The following PAPSS2 variants were observed in gnomAD, a reference collection of about 807,000 sequenced individuals.
PAPSS2 encodes the protein bifunctional 3'-phosphoadenosine 5'-phosphosulfate synthase 2.
A neutral mutation model predicts 66.5 loss-of-function variants in PAPSS2; 61 were observed. That is an observed-to-expected ratio of 0.92 (90% CI 0.75 to 1.14). The LOEUF (loss-of-function observed/expected upper bound fraction) is 1.14, where lower values mean the gene tolerates loss of function less well. PAPSS2 is among the 50% of genes most tolerant of loss of function. The pLI, the probability that PAPSS2 is intolerant of heterozygous loss-of-function variation, is 0.00. For missense variants in PAPSS2, 708 were observed against 789.6 expected (o/e 0.90, Z 1.24); for synonymous variants, 289 against 287.5 (o/e 1.01, Z -0.05).
intron 9 of PAPSS2, among the ~76,000 whole-genome samples, chr10:87,735,606 C>A (rs776283959): frequency 2.0e-5 from 3 of 152,112 alleles, no homozygotes; most frequent in Non-Finnish European, 4.4e-5. Context: ...AAAACACAAC[C>A]GAAAACCTTG....
At chr10:87,682,579 A>T (rs1315735897) in intron 1 of PAPSS2, among the ~76,000 whole-genome samples, 2 of 152,314 alleles carry the variant, frequency 1.3e-5, no homozygotes, top group East Asian at 3.9e-4. Flanking sequence ...AAAGTTATGA[A>T]GCATGGCATC....
At chr10:87,673,689 CTTTTTT>C (rs34935261) in intron 1 of PAPSS2, among the ~76,000 whole-genome samples, 1,687 of 67,396 alleles carry the variant, frequency 0.025, 34 homozygotes, top group African/African-American at 0.084. Flanking sequence ...TTTTGGCTTA[CTTTTTT>C]TTTTTTTTTT....
At chr10:87,734,189 C>T (rs1853764206) in intron 9 of PAPSS2, among the ~76,000 whole-genome samples, 1 of 152,162 alleles carries the variant, frequency 6.6e-6, no homozygotes, top group South Asian at 2.1e-4. Flanking sequence ...CTCCCTCGTC[C>T]AGTCCTTCCA....
At chr10:87,684,167 T>C (rs527400322) in intron 1 of PAPSS2, among the ~76,000 whole-genome samples, 8 of 152,344 alleles carry the variant, frequency 5.3e-5, no homozygotes, top group South Asian at 2.1e-4. Context: ...CCAATGAAGA[T>C]TGAAGCCAGC....
intron 1 of PAPSS2, among the ~76,000 whole-genome samples, chr10:87,674,932 A>G (rs1383812508): frequency 6.6e-6 from 1 of 152,206 alleles, no homozygotes; most frequent in African/African-American, 2.4e-5. Context: ...ACCTCCATGC[A>G]TGGGTGTGCC....
intron 8 of PAPSS2, among the ~76,000 whole-genome samples, chr10:87,725,449 C>T (rs889383545): frequency 2.6e-5 from 4 of 152,206 alleles, no homozygotes; most frequent in Admixed American, 2.6e-4. Context: ...GGAGCTCACA[C>T]TCCAGAGAAA....
At chr10:87,716,572 C>T (rs371369213) in intron 7 of PAPSS2, among the ~76,000 whole-genome samples, 5 of 152,238 alleles carry the variant, frequency 3.3e-5, no homozygotes, top group African/African-American at 9.6e-5. Flanking sequence ...GGTAGAGTCA[C>T]GCTGAATTTG....
At chr10:87,683,415 G>C (rs1853049142) in intron 1 of PAPSS2, among the ~76,000 whole-genome samples, 1 of 152,156 alleles carries the variant, frequency 6.6e-6, no homozygotes, top group African/African-American at 2.4e-5. Context: ...CTGGCCCACA[G>C]CTATTTCTTG....
At chr10:87,680,408 A>C (rs1447867512) in intron 1 of PAPSS2, among the ~76,000 whole-genome samples, 1 of 152,166 alleles carries the variant, frequency 6.6e-6, no homozygotes, top group Non-Finnish European at 1.5e-5. Context: ...AAAGTTCCCC[A>C]GGAACAAGCT....
At chr10:87,724,517 T>A (rs1853633660) in intron 8 of PAPSS2, among the ~76,000 whole-genome samples, 1 of 151,440 alleles carries the variant, frequency 6.6e-6, no homozygotes, top group Admixed American at 6.6e-5. Flanking sequence ...AGGATGCATA[T>A]CTGTGTGTCT....
Position 87,709,185 on chromosome 10 carries a change from T to C in PAPSS2, c.28-11T>C. On this transcript the variant is annotated splice_polypyrimidine_tract_variant and intron_variant, in intron 1 of 12. Transcript: ENST00000456849. ...AATTAATACTGTGCTTGGTTTTGTCTTATTTTATAGGAGAACCAGCAGAAA... is the reference window on the plus strand; with the variant it reads ...AATTAATACTGTGCTTGGTTTTGTCCTATTTTATAGGAGAACCAGCAGAAA... 1.3e-6 allele frequency: 2 copies of C among 1,575,224 alleles called. No individual in the cohort carries two copies. The highest frequency in any genetic ancestry group is 1.7e-6 in the Non-Finnish European group (2 of 1,144,876).
intron 2 of PAPSS2, among the ~76,000 whole-genome samples, chr10:87,711,300 C>A (rs1589433931): frequency 6.6e-6 from 1 of 152,250 alleles, no homozygotes; most frequent in Admixed American, 6.5e-5. Context: ...GTGCTTTGCA[C>A]AGTGCCTGGC....
At chr10:87,690,097 T>G (rs985822602) in intron 1 of PAPSS2, among the ~76,000 whole-genome samples, 2 of 152,208 alleles carry the variant, frequency 1.3e-5, no homozygotes, top group Non-Finnish European at 2.9e-5. Context: ...GTCTAGCAAT[T>G]AATCCCACAG....
Position 87,745,851 on chromosome 10 carries a change from A to C in PAPSS2, c.1741A>C (p.Ile581Leu), listed in dbSNP as rs372168426. 7.4e-6 allele frequency: 12 copies of C among 1,614,064 alleles called. No homozygotes were observed. In the East Asian group the frequency reaches 2.5e-4, roughly 33 times the overall value. ...DPARHNEFDF[I>L]SGTRMRKLAR... Reference sequence around the variant, plus strand: ...TAACAGGCACAATGAGTTTGACTTCATCTCAGGAACTCGAATGAGGAAGCT... The same window carrying C: ...TAACAGGCACAATGAGTTTGACTTCCTCTCAGGAACTCGAATGAGGAAGCT... The change falls in exon 13 of 13, where the codon ATC becomes CTC. Residue 581 changes from isoleucine to leucine, a missense_variant. Transcript: ENST00000456849.
Position 87,709,262 on chromosome 10 carries a change from C to T in PAPSS2, c.94C>T (p.Gln32Ter). The T allele has an allele frequency of 6.2e-7, 1 of 1,613,242 alleles. No homozygotes were observed. Among genetic ancestry groups the T allele is most frequent in the Non-Finnish European group, 8.5e-7 (1 of 1,179,512 alleles). The change falls in exon 2 of 13, where the codon CAA becomes TAA. Residue 32 changes from glutamine (Q) to a stop codon, truncating the protein, a stop_gained. Transcript: ENST00000456849. LOFTEE classifies it high-confidence loss of function. The part of the protein sequence containing the change: ...AHHVSRNKRG[Q>*]VVGTRGGFRG... ...CCATGTGAGCAGGAATAAGAGAGGGCAAGTGGTTGGAACAAGGGGTGGGTT... is the reference window on the plus strand; with the variant it reads ...CCATGTGAGCAGGAATAAGAGAGGGTAAGTGGTTGGAACAAGGGGTGGGTT...
At chr10:87,744,088 C>T (rs549150628) in intron 11 of PAPSS2, among the ~76,000 whole-genome samples, 4 of 151,192 alleles carry the variant, frequency 2.6e-5, no homozygotes, top group South Asian at 2.1e-4. Flanking sequence ...GGCAACAGAG[C>T]GAGACTTCGT....
intron 8 of PAPSS2, among the ~76,000 whole-genome samples, chr10:87,725,630 T>G (rs1192476899): frequency 1.3e-5 from 2 of 152,148 alleles, no homozygotes; most frequent in African/African-American, 4.8e-5. Context: ...GAAAAGGTGA[T>G]TTTATGCTGA....
At chr10:87,679,660 G>A (rs1435742845) in intron 1 of PAPSS2, among the ~76,000 whole-genome samples, 1 of 152,056 alleles carries the variant, frequency 6.6e-6, no homozygotes, top group African/African-American at 2.4e-5. Flanking sequence ...AAACCTAGGG[G>A]ATAATTTGTA....
At chr10:87,704,266 A>G (rs1853354301) in intron 1 of PAPSS2, among the ~76,000 whole-genome samples, 3 of 152,254 alleles carry the variant, frequency 2.0e-5, no homozygotes, top group African/African-American at 7.2e-5. Flanking sequence ...TCAAAGACCA[A>G]AAGTTCAGAG....
Sources: allele counts gnomAD v4.1 joint callset (sites outside exome capture counted in the v4.1 genomes callset), GRCh38; gene constraint gnomAD v4.1.1; transcripts MANE v1.5; gene names NCBI Gene and HGNC (gene_info 2026-07-23, HGNC 2026-07-21).